PIP5K1B: variants seen among roughly 807,000 people sequenced by gnomAD.
The protein encoded by PIP5K1B is phosphatidylinositol 4-phosphate 5-kinase type-1 beta.
In PIP5K1B, 42 loss-of-function variants were observed where a neutral mutation model predicts 67.0. That is an observed-to-expected ratio of 0.63 (90% CI 0.49 to 0.81). The LOEUF (loss-of-function observed/expected upper bound fraction) is 0.81, where lower values mean the gene tolerates loss of function less well. Ranked by LOEUF, PIP5K1B falls within the 30% of genes least tolerant of loss-of-function variation. PIP5K1B has a pLI of 0.00. For synonymous variants in PIP5K1B, 214 were observed against 231.4 expected (o/e 0.92, Z 0.68); for missense variants, 459 against 646.3 (o/e 0.71, Z 3.14).
chr9:68,764,054 A>G (rs1426025028), intron 2 of PIP5K1B, among the ~76,000 whole-genome samples: 1 of 137,058 alleles, frequency 7.3e-6, no homozygotes, highest in Non-Finnish European at 1.6e-5. Context: ...CCTTTTTTGG[A>G]CACCCCTCTA....
At chr9:68,873,470 T>C (rs970152855) in intron 5 of PIP5K1B, among the ~76,000 whole-genome samples, 4 of 151,948 alleles carry the variant, frequency 2.6e-5, no homozygotes, top group Admixed American at 6.6e-5. Flanking sequence ...GTATTTTTCA[T>C]AGAGACAGGG....
chr9:69,006,667 C>G (rs914262507), intron 15 of PIP5K1B, among the ~76,000 whole-genome samples: 1 of 151,998 alleles, frequency 6.6e-6, no homozygotes, highest in African/African-American at 2.4e-5. Flanking sequence ...GGCTCCAGGG[C>G]CCTTCACTGG....
At chr9:68,712,697 C>T (rs1006229918) in intron 1 of PIP5K1B, among the ~76,000 whole-genome samples, 4 of 152,156 alleles carry the variant, frequency 2.6e-5, no homozygotes, top group African/African-American at 7.2e-5. Flanking sequence ...CAATGATGAC[C>T]GAACCCTTTA....
chr9:68,815,841 T>C (rs1833414734), intron 2 of PIP5K1B, among the ~76,000 whole-genome samples: 2 of 152,058 alleles, frequency 1.3e-5, no homozygotes, highest in Non-Finnish European at 2.9e-5. Context: ...TATATTTTTA[T>C]ATTTCTAGAA....
chr9:68,751,875 G>A, intron 2 of PIP5K1B, among the ~76,000 whole-genome samples: 1 of 152,278 alleles, frequency 6.6e-6, no homozygotes, highest in Non-Finnish European at 1.5e-5. Flanking sequence ...TTAGTTTTAT[G>A]TTATATGAAT....
intron 15 of PIP5K1B, among the ~76,000 whole-genome samples, chr9:68,993,044 C>T (rs988525466): frequency 1.2e-4 from 19 of 152,014 alleles, no homozygotes; most frequent in Admixed American, 3.9e-4. Flanking sequence ...CGCCTGTAGT[C>T]CCAGCTACTC....
intron 2 of PIP5K1B, among the ~76,000 whole-genome samples, chr9:68,758,167 A>C (rs1182974042): frequency 6.6e-6 from 1 of 152,224 alleles, no homozygotes; most frequent in Non-Finnish European, 1.5e-5. Flanking sequence ...GGATTGAAAC[A>C]AAACTCAGAA....
At chr9:68,893,832 T>C (rs1166861598) in intron 7 of PIP5K1B, among the ~76,000 whole-genome samples, 1 of 152,196 alleles carries the variant, frequency 6.6e-6, no homozygotes, top group Non-Finnish European at 1.5e-5. Flanking sequence ...AAAACAGGTT[T>C]CTATTTTTCA....
Position 68,916,016 on chromosome 9 carries a change from T to A in PIP5K1B, c.772-1532T>A, listed in dbSNP as rs532883863. Among the ~76,000 whole-genome samples, 94 of 152,270 alleles carry A rather than the reference T, an allele frequency of 6.2e-4. 1 individual carries two copies. Among genetic ancestry groups the A allele is most frequent in the African/African-American group, 2.2e-3 (92 of 41,558 alleles). Reference sequence around the variant, plus strand: ...CTATATCATAAATATCAAAAGGCAGTTGGGCTGAACAAGAACAAGAAGCAC... The same window carrying A: ...CTATATCATAAATATCAAAAGGCAGATGGGCTGAACAAGAACAAGAAGCAC... On this transcript the variant is annotated intron_variant, in intron 8 of 15. Transcript: ENST00000265382.
chr9:68,921,291 T>C (rs1826387667), intron 11 of PIP5K1B, among the ~76,000 whole-genome samples: 1 of 151,794 alleles, frequency 6.6e-6, no homozygotes, highest in Admixed American at 6.6e-5. Flanking sequence ...AGACCCTGTC[T>C]CTAAAAGAAA....
At chr9:68,876,398 G>C (rs1386139651) in intron 5 of PIP5K1B, among the ~76,000 whole-genome samples, 1 of 152,182 alleles carries the variant, frequency 6.6e-6, no homozygotes, top group Non-Finnish European at 1.5e-5. Context: ...ATAATGGAGT[G>C]ATCTTCCCAG....
At chr9:68,791,601 A>G (rs189184975) in intron 2 of PIP5K1B, among the ~76,000 whole-genome samples, 2 of 152,268 alleles carry the variant, frequency 1.3e-5, no homozygotes, top group Non-Finnish European at 2.9e-5. Flanking sequence ...GGTAAATAAT[A>G]TAATTATAAT....
chr9:68,811,655 C>T (rs1833174080), intron 2 of PIP5K1B, among the ~76,000 whole-genome samples: 1 of 152,156 alleles, frequency 6.6e-6, no homozygotes, highest in African/African-American at 2.4e-5. Context: ...GCCTGCAGCC[C>T]TAAAAGCAAT....
intron 14 of PIP5K1B, among the ~76,000 whole-genome samples, chr9:68,973,207 T>C (rs1223397954): frequency 4.6e-5 from 7 of 152,242 alleles, no homozygotes; most frequent in Admixed American, 1.3e-4. Context: ...TCTGTTGCAG[T>C]GAACTCCAGC....
intron 2 of PIP5K1B, among the ~76,000 whole-genome samples, chr9:68,744,957 C>T (rs1829213213): frequency 6.6e-6 from 1 of 152,150 alleles, no homozygotes; most frequent in African/African-American, 2.4e-5. Context: ...AATATATAGC[C>T]CTGTACATAT....
At chr9:68,907,977 G>T (rs1362149846) in intron 8 of PIP5K1B, among the ~76,000 whole-genome samples, 4 of 152,176 alleles carry the variant, frequency 2.6e-5, no homozygotes, top group Non-Finnish European at 2.9e-5. Flanking sequence ...TTTTTACCAA[G>T]AAAGGCAGTT....
At chr9:68,820,061 T>C (rs2132061724) in intron 3 of PIP5K1B, among the ~76,000 whole-genome samples, 1 of 152,304 alleles carries the variant, frequency 6.6e-6, no homozygotes, top group South Asian at 2.1e-4. Flanking sequence ...AACCTCTCAT[T>C]AAGGTTGTTT....
At chr9:68,855,856 T>C (rs1414154062) in intron 4 of PIP5K1B, among the ~76,000 whole-genome samples, 1 of 152,240 alleles carries the variant, frequency 6.6e-6, no homozygotes, top group African/African-American at 2.4e-5. Flanking sequence ...TGGGACAACC[T>C]CTTGCTTCTG....
chr9:68,965,419 C>CT (rs769545122), intron 14 of PIP5K1B, among the ~76,000 whole-genome samples: 3 of 152,294 alleles, frequency 2.0e-5, no homozygotes, highest in Non-Finnish European at 4.4e-5. Flanking sequence ...TGCCTGAACT[C>CT]TAGTACCTCA....
Sources: allele counts gnomAD v4.1 joint callset (sites outside exome capture counted in the v4.1 genomes callset), GRCh38; gene constraint gnomAD v4.1.1; transcripts MANE v1.5; gene names NCBI Gene and HGNC (gene_info 2026-07-23, HGNC 2026-07-21).